The following IQGAP2 variants were observed in gnomAD, a reference collection of about 807,000 sequenced individuals.
The protein encoded by IQGAP2 is IQ motif containing GTPase activating protein 2.
Under a neutral mutation model 201.3 loss-of-function variants are expected in IQGAP2, and 173 were observed. The ratio of observed to expected loss-of-function variants is 0.86; its 90% CI spans 0.76 to 0.98. The LOEUF is 0.98. IQGAP2 is among the 50% of genes least tolerant of loss of function. The pLI is 0.00. For missense variants in IQGAP2, 1,687 were observed against 1,864.8 expected (o/e 0.90, Z 1.76); for synonymous variants, 675 against 673.9 (o/e 1.00, Z -0.03).
At chr5:76,629,387 T>C (rs539085241) in intron 14 of IQGAP2, among the ~76,000 whole-genome samples, 2 of 152,288 alleles carry the variant, frequency 1.3e-5, no homozygotes, top group Admixed American at 1.3e-4. Flanking sequence ...AGAAAATGTG[T>C]TGGCCCAAAT....
chr5:76,476,589 T>C (rs1398381148), intron 2 of IQGAP2, among the ~76,000 whole-genome samples: 1 of 151,982 alleles, frequency 6.6e-6, no homozygotes, highest in Non-Finnish European at 1.5e-5. Context: ...GTGAGTAGGC[T>C]TGGGGTATGT....
At chr5:76,624,783 A>C (rs1397867818) in intron 13 of IQGAP2, among the ~76,000 whole-genome samples, 1 of 152,194 alleles carries the variant, frequency 6.6e-6, no homozygotes, top group Admixed American at 6.5e-5. Flanking sequence ...CAACTGAAAA[A>C]GCAGACTTGG....
intron 30 of IQGAP2, among the ~76,000 whole-genome samples, chr5:76,685,723 CTA>C: frequency 6.6e-6 from 1 of 152,234 alleles, no homozygotes; most frequent in Non-Finnish European, 1.5e-5. Flanking sequence ...GAAACAAACA[CTA>C]TCCACTTCTT....
At position 76,427,152 on chromosome 5, in the gene IQGAP2, ACACT is replaced by A. The variant is rs530793874; in HGVS notation, c.46+23564_46+23567del. Among the ~76,000 whole-genome samples, 243 of 152,300 alleles carry A rather than the reference ACACT, an allele frequency of 1.6e-3. 1 individual carries two copies. Among genetic ancestry groups the A allele is most frequent in the African/African-American group, 5.7e-3 (235 of 41,560 alleles). ...TAGGATGTTTAGTATCATCCCTGAC[ACACT>A]CAATTCCAGTTGCAGTCCCCTTCAC... On this transcript the variant is annotated intron_variant, in intron 1 of 35. Coordinates refer to ENST00000274364, the MANE Select transcript of IQGAP2 (RefSeq NM_006633.5).
chr5:76,559,189 C>T (rs548750048), intron 2 of IQGAP2, among the ~76,000 whole-genome samples: 3 of 152,340 alleles, frequency 2.0e-5, no homozygotes, highest in South Asian at 2.1e-4. Context: ...GCGTGAGCCA[C>T]CGCACCTGGC....
chr5:76,630,756 A>T (rs1188154688), intron 14 of IQGAP2, among the ~76,000 whole-genome samples: 2 of 152,180 alleles, frequency 1.3e-5, no homozygotes, highest in East Asian at 3.9e-4. Flanking sequence ...GAGAAGAGGA[A>T]AGGGCTATGT....
intron 2 of IQGAP2, among the ~76,000 whole-genome samples, chr5:76,473,810 C>T (rs1405005381): frequency 6.6e-6 from 1 of 152,174 alleles, no homozygotes; most frequent in Admixed American, 6.5e-5. Flanking sequence ...GAATGCTTGG[C>T]TTTTTGTTGA....
intron 28 of IQGAP2, among the ~76,000 whole-genome samples, chr5:76,681,243 G>T (rs967456291): frequency 6.6e-6 from 1 of 151,810 alleles, no homozygotes; most frequent in African/African-American, 2.4e-5. Context: ...TTAAATATTG[G>T]ACAATTACAC....
intron 1 of IQGAP2, among the ~76,000 whole-genome samples, chr5:76,444,280 T>A (rs1753236600): frequency 6.6e-6 from 1 of 152,100 alleles, no homozygotes; most frequent in African/African-American, 2.4e-5. Flanking sequence ...CATCAGTAAA[T>A]ACAAGTGTTT....
intron 1 of IQGAP2, among the ~76,000 whole-genome samples, chr5:76,443,193 T>C (rs1188414339): frequency 6.6e-6 from 1 of 152,112 alleles, no homozygotes; most frequent in African/African-American, 2.4e-5. Context: ...AGTCGGAAAA[T>C]ATATACAAAT....
At chr5:76,567,157 C>G (rs1431450881) in intron 3 of IQGAP2, among the ~76,000 whole-genome samples, 1 of 152,216 alleles carries the variant, frequency 6.6e-6, no homozygotes, top group Non-Finnish European at 1.5e-5. Context: ...ACTTCAGCGT[C>G]TAGCTTCGCC....
chr5:76,677,766 TA>T (rs1323624696), intron 28 of IQGAP2, among the ~76,000 whole-genome samples: 1 of 151,968 alleles, frequency 6.6e-6, no homozygotes, highest in African/African-American at 2.4e-5. Context: ...CTATCTCTAC[TA>T]AAAATTTTTT....
At chr5:76,640,823 C>G in intron 16 of IQGAP2, 110 bp from the exon 17 acceptor site, 1 of 816,818 alleles carries the variant, frequency 1.2e-6, no homozygotes, top group African/African-American at 1.7e-5. Context: ...TAAACCAAGC[C>G]AAAAGGAGAC....
rs1744022258 is a variant in IQGAP2, at chr5:76,668,737, T to C, written c.2736T>C (p.Thr912=). The part of the protein sequence containing the change: ...LIFQMPQNKS[T]KFMDTVIFTL... ...TCCAGATGCCACAGAACAAGTCCAC[T>C]AAATTTATGGATACTGTTATTTTCA... Residue 912 remains threonine (T), a synonymous_variant, in exon 23 of 36, where the codon ACT becomes ACC. Transcript: ENST00000274364. 7 of 1,612,022 alleles carry C rather than the reference T, an allele frequency of 4.3e-6. No individual in the cohort carries two copies. The highest frequency in any genetic ancestry group is 5.1e-6 in the Non-Finnish European group (6 of 1,178,758).
rs940471567 is a variant in IQGAP2, at chr5:76,651,181, A to AT, written c.2095-1563dup. Among the ~76,000 whole-genome samples the AT allele has an allele frequency of 7.9e-5, 12 of 152,236 alleles. No homozygotes were observed. The East Asian group carries it at 2.3e-3, about 29-fold the overall frequency. ...TAAAGCCATAAAAAAAAGTTTTGAC[A>AT]TTTTTTATGGAAATTTGCTCTGCCT... is the stretch of plus-strand genomic sequence containing the variant. On this transcript the variant is annotated intron_variant, in intron 17 of 35. Coordinates refer to ENST00000274364, the MANE Select transcript of IQGAP2 (RefSeq NM_006633.5).
intron 17 of IQGAP2, among the ~76,000 whole-genome samples, chr5:76,644,349 G>A (rs918003393): frequency 8.4e-6 from 1 of 118,728 alleles, no homozygotes; most frequent in African/African-American, 3.2e-5. Context: ...GCCCAGGCTG[G>A]AGTGCAGTGG....
intron 30 of IQGAP2, among the ~76,000 whole-genome samples, chr5:76,690,629 T>C (rs1746183919): frequency 6.6e-6 from 1 of 152,220 alleles, no homozygotes; most frequent in Non-Finnish European, 1.5e-5. Context: ...CATGTAATTT[T>C]AACTTTTCTA....
chr5:76,434,948 A>G (rs1752570964), intron 1 of IQGAP2, among the ~76,000 whole-genome samples: 1 of 151,822 alleles, frequency 6.6e-6, no homozygotes. Context: ...CAGTTCCCTG[A>G]TTAGTGATGT....
intron 2 of IQGAP2, among the ~76,000 whole-genome samples, chr5:76,505,039 T>A (rs55928013): frequency 0.091 from 13,876 of 152,146 alleles, 1,050 homozygotes; most frequent in East Asian, 0.28. Context: ...TCATGTCCTC[T>A]GGGGAGGCTT....
Sources: allele counts gnomAD v4.1 joint callset (sites outside exome capture counted in the v4.1 genomes callset), GRCh38; gene constraint gnomAD v4.1.1; transcripts MANE v1.5; gene names NCBI Gene and HGNC (gene_info 2026-07-23, HGNC 2026-07-21).